LRMDA: variants seen among roughly 807,000 people sequenced by gnomAD.
The protein encoded by LRMDA is leucine-rich melanocyte differentiation-associated protein.
A neutral mutation model predicts 29.8 loss-of-function variants in LRMDA; 18 were observed. That is an observed-to-expected ratio of 0.60 (90% CI 0.42 to 0.90). The LOEUF is 0.90. LRMDA is among the 40% of genes least tolerant of loss of function. The probability of loss-of-function intolerance (pLI) is 0.00; values close to 1 mark genes in which losing one functional copy is unlikely to be tolerated. For synonymous variants in LRMDA, 125 were observed against 109.4 expected (o/e 1.14, Z -0.89); for missense variants, 273 against 273.9 (o/e 1.00, Z 0.02).
chr10:76,171,188 A>G (rs1264993031), intron 5 of LRMDA, among the ~76,000 whole-genome samples: 2 of 152,102 alleles, frequency 1.3e-5, no homozygotes, highest in African/African-American at 2.4e-5. Flanking sequence ...TGCTATGCCT[A>G]CCCTTCAGAT....
chr10:75,838,666 T>G (rs1375194092), intron 2 of LRMDA, among the ~76,000 whole-genome samples: 1 of 152,218 alleles, frequency 6.6e-6, no homozygotes, highest in Non-Finnish European at 1.5e-5. Context: ...TTGGCTTTCT[T>G]CAGGAGACCT....
chr10:75,911,719 C>T (rs1390198109), intron 2 of LRMDA, among the ~76,000 whole-genome samples: 1 of 152,174 alleles, frequency 6.6e-6, no homozygotes, highest in East Asian at 1.9e-4. Flanking sequence ...TATGCTGTGG[C>T]TATCTACTGT....
At chr10:76,325,169 G>A (rs1040855682) in intron 6 of LRMDA, among the ~76,000 whole-genome samples, 2 of 152,108 alleles carry the variant, frequency 1.3e-5, no homozygotes, top group African/African-American at 4.8e-5. Flanking sequence ...AAGTGAACAG[G>A]GGCTATTCTA....
intron 5 of LRMDA, among the ~76,000 whole-genome samples, chr10:76,226,366 T>C (rs2132266345): frequency 6.6e-6 from 1 of 152,130 alleles, no homozygotes; most frequent in Admixed American, 6.5e-5. Flanking sequence ...GTGGATCACC[T>C]GAGGTCGGGA....
intron 2 of LRMDA, among the ~76,000 whole-genome samples, chr10:75,998,211 C>G (rs568913947): frequency 1.3e-5 from 2 of 152,296 alleles, no homozygotes; most frequent in Admixed American, 6.5e-5. Context: ...AGTCTGCTGC[C>G]TCAGTGGACC....
intron 2 of LRMDA, among the ~76,000 whole-genome samples, chr10:75,513,918 G>T (rs1472954651): frequency 6.6e-6 from 1 of 152,146 alleles, no homozygotes; most frequent in Non-Finnish European, 1.5e-5. Flanking sequence ...GGATATCTTG[G>T]CAGGAAGCAC....
intron 5 of LRMDA, among the ~76,000 whole-genome samples, chr10:76,079,524 A>G (rs1849016997): frequency 6.6e-6 from 1 of 152,212 alleles, no homozygotes; most frequent in Admixed American, 6.5e-5. Flanking sequence ...ATAAAGTCTC[A>G]TTGAGTTGGA....
intron 2 of LRMDA, among the ~76,000 whole-genome samples, chr10:75,933,256 T>C (rs1284275653): frequency 1.3e-5 from 2 of 152,170 alleles, no homozygotes; most frequent in African/African-American, 4.8e-5. Context: ...TAGAGGAGAT[T>C]GGCCAACGAG....
At chr10:75,789,257 T>A (rs2132250541) in intron 2 of LRMDA, among the ~76,000 whole-genome samples, 1 of 152,326 alleles carries the variant, frequency 6.6e-6, no homozygotes, top group East Asian at 1.9e-4. Context: ...TGAAATGAGA[T>A]TGTGACTACA....
chr10:76,431,912 C>T (rs560954839), intron 6 of LRMDA, among the ~76,000 whole-genome samples: 10 of 152,324 alleles, frequency 6.6e-5, no homozygotes, highest in South Asian at 2.1e-4. Flanking sequence ...CTTCTCTTGT[C>T]TGCTGCCATG....
intron 2 of LRMDA, among the ~76,000 whole-genome samples, chr10:75,932,278 A>T (rs562269201): frequency 1.3e-5 from 2 of 152,216 alleles, no homozygotes; most frequent in Middle Eastern, 3.2e-3. Flanking sequence ...ATCAAGCCAC[A>T]TGGCTGCAAA....
At chr10:76,123,642 G>T (rs1181626680) in intron 5 of LRMDA, among the ~76,000 whole-genome samples, 1 of 152,220 alleles carries the variant, frequency 6.6e-6, no homozygotes, top group Non-Finnish European at 1.5e-5. Flanking sequence ...ATACATAAAA[G>T]GTTCTAAACT....
intron 5 of LRMDA, among the ~76,000 whole-genome samples, chr10:76,263,003 G>A (rs1489436953): frequency 6.6e-6 from 1 of 152,062 alleles, no homozygotes; most frequent in Non-Finnish European, 1.5e-5. Context: ...CATTTTCATA[G>A]AACTTTGCAA....
intron 5 of LRMDA, among the ~76,000 whole-genome samples, chr10:76,163,244 G>A (rs1564671866): frequency 1.3e-5 from 2 of 152,184 alleles, no homozygotes; most frequent in Non-Finnish European, 2.9e-5. Flanking sequence ...AGTAAATAAT[G>A]TGATGTCAGA....
At chr10:76,362,461 A>ACATTCAAT (rs1292795964) in intron 6 of LRMDA, among the ~76,000 whole-genome samples, 1 of 152,258 alleles carries the variant, frequency 6.6e-6, no homozygotes, top group Admixed American at 6.5e-5. Flanking sequence ...CAAAGAGTGA[A>ACATTCAAT]CATTCAATAC....
intron 2 of LRMDA, among the ~76,000 whole-genome samples, chr10:75,891,952 G>C (rs1201173377): frequency 6.6e-6 from 1 of 152,172 alleles, no homozygotes; most frequent in African/African-American, 2.4e-5. Context: ...CTGTGGGGAG[G>C]GGTCAGGACT....
Position 75,669,288 on chromosome 10 carries a change from A to T in LRMDA, c.131+230794A>T, listed in dbSNP as rs1841863020. Among the ~76,000 whole-genome samples, 4 of 152,140 alleles carry T rather than the reference A, an allele frequency of 2.6e-5. No homozygotes were observed. The South Asian group carries it at 6.2e-4, about 24-fold the overall frequency. ...GGACAGAGCAGTATTTTCTCAAAGG[A>T]TAGACCATTTTTTCCCTATGAGGTT... On this transcript the variant is annotated intron_variant, in intron 2 of 6. Coordinates refer to ENST00000611255, the MANE Select transcript of LRMDA (RefSeq NM_001305581.2).
intron 2 of LRMDA, among the ~76,000 whole-genome samples, chr10:75,979,065 A>T (rs2132447081): frequency 2.0e-5 from 3 of 152,316 alleles, no homozygotes; most frequent in African/African-American, 7.2e-5. Context: ...CATCTCACAG[A>T]GTTGTGATAA....
intron 2 of LRMDA, among the ~76,000 whole-genome samples, chr10:75,724,923 T>G (rs1842613036): frequency 6.6e-6 from 1 of 152,250 alleles, no homozygotes; most frequent in Non-Finnish European, 1.5e-5. Context: ...ATTATTTTAC[T>G]GTTATCATCT....
Sources: allele counts gnomAD v4.1 joint callset (sites outside exome capture counted in the v4.1 genomes callset), GRCh38; gene constraint gnomAD v4.1.1; transcripts MANE v1.5; gene names NCBI Gene and HGNC (gene_info 2026-07-23, HGNC 2026-07-21).